CPNE1: variants seen among roughly 807,000 people sequenced by gnomAD.
CPNE1 encodes copine-1.
A neutral mutation model predicts 63.2 loss-of-function variants in CPNE1; 58 were observed. The observed-to-expected ratio is 0.92, with a 90% confidence interval of 0.74 to 1.14. The LOEUF (loss-of-function observed/expected upper bound fraction) is 1.14, where lower values mean the gene tolerates loss of function less well. Among genes scored for constraint, CPNE1 ranks in the 50% most tolerant of loss-of-function variants. CPNE1 has a pLI of 0.00. For synonymous variants in CPNE1, 237 were observed against 249.0 expected (o/e 0.95, Z 0.45); for missense variants, 672 against 661.7 (o/e 1.02, Z -0.17).
At chr20:35,628,848 TAAGA>T (rs1023904530) in intron 13 of CPNE1, among the ~76,000 whole-genome samples, 3 of 152,300 alleles carry the variant, frequency 2.0e-5, no homozygotes, top group African/African-American at 7.2e-5. Flanking sequence ...TGTGATAATG[TAAGA>T]AAGAGTCTTT....
At chr20:35,657,933 G>A (rs533274002) in intron 1 of CPNE1, among the ~76,000 whole-genome samples, 6 of 152,128 alleles carry the variant, frequency 3.9e-5, no homozygotes, top group South Asian at 4.2e-4. Flanking sequence ...ATGGTGGCAG[G>A]TGCCTGTAAT....
At chr20:35,639,476 A>G (rs1467971708) in intron 1 of CPNE1, among the ~76,000 whole-genome samples, 1 of 152,098 alleles carries the variant, frequency 6.6e-6, no homozygotes, top group Non-Finnish European at 1.5e-5. Context: ...AGCTGGGATT[A>G]CAGGCACCTG....
intron 1 of CPNE1, among the ~76,000 whole-genome samples, chr20:35,634,259 A>C (rs972636284): frequency 4.4e-5 from 5 of 113,998 alleles, no homozygotes; most frequent in African/African-American, 1.1e-4. Context: ...TGACTCTGTC[A>C]CAAAAAAAAA....
chr20:35,633,692 C>T (rs1038233305), intron 1 of CPNE1, among the ~76,000 whole-genome samples: 1 of 152,124 alleles, frequency 6.6e-6, no homozygotes, highest in Non-Finnish European at 1.5e-5. Context: ...GTGGCTCATG[C>T]CTGTAATCCT....
chr20:35,644,939 T>A (rs989637969), intron 1 of CPNE1, among the ~76,000 whole-genome samples: 9 of 152,166 alleles, frequency 5.9e-5, no homozygotes, highest in Non-Finnish European at 1.3e-4. Flanking sequence ...AAAAATGTGA[T>A]CTGTATCAAA....
At chr20:35,640,950 C>T (rs1035059806) in intron 1 of CPNE1, among the ~76,000 whole-genome samples, 2 of 152,134 alleles carry the variant, frequency 1.3e-5, no homozygotes, top group African/African-American at 2.4e-5. Flanking sequence ...TGGGACTAGT[C>T]GGGTGTTGCG....
chr20:35,633,959 CAAA>C (rs34006508), intron 1 of CPNE1, among the ~76,000 whole-genome samples: 6 of 40,414 alleles, frequency 1.5e-4, no homozygotes, highest in Non-Finnish European at 1.5e-4. Context: ...GATTCCGTCT[CAAA>C]AAAAAAAAAA....
At chr20:35,639,499 G>A (rs546307516) in intron 1 of CPNE1, among the ~76,000 whole-genome samples, 3 of 152,068 alleles carry the variant, frequency 2.0e-5, no homozygotes, top group Non-Finnish European at 4.4e-5. Context: ...ATCATGCCCG[G>A]CTAATTTTCA....
chr20:35,639,141 G>A (rs2032658053), intron 1 of CPNE1, among the ~76,000 whole-genome samples: 1 of 150,448 alleles, frequency 6.6e-6, no homozygotes, highest in Non-Finnish European at 1.5e-5. Flanking sequence ...TTGCACTAAA[G>A]TTAAGGCATG....
At chr20:35,645,002 T>C (rs2033025410) in intron 1 of CPNE1, among the ~76,000 whole-genome samples, 1 of 152,212 alleles carries the variant, frequency 6.6e-6, no homozygotes, top group Non-Finnish European at 1.5e-5. Flanking sequence ...CCCTCCCGGC[T>C]GAAATCTACA....
At chr20:35,638,291 T>A (rs1428032547) in intron 1 of CPNE1, among the ~76,000 whole-genome samples, 2 of 152,170 alleles carry the variant, frequency 1.3e-5, no homozygotes, top group Admixed American at 1.3e-4. Flanking sequence ...ACTTTGAAAT[T>A]TAAATGCAGG....
chr20:35,630,302 A>T, intron 13 of CPNE1, 137 bp downstream of exon 13: 1 of 725,248 alleles, frequency 1.4e-6, no homozygotes, highest in Non-Finnish European at 2.3e-6. Context: ...CTCAAAAAAT[A>T]AATTAAACTA....
Position 35,630,998 on chromosome 20 carries a change from A to C in CPNE1, c.898T>G (p.Ser300Ala), listed in dbSNP as rs750909596. 1.1e-5 allele frequency: 17 copies of C among 1,613,700 alleles called. No individual in the cohort carries two copies. In the South Asian group the frequency reaches 1.8e-4, roughly 17 times the overall value. ...VDFTGSNGDP[S>A]SPDSLHYLSP... ...AGGTAGTGTAGGGAGTCAGGTGAGG[A>C]GGGGTCTCCATTGGAGCCAGTGAAG... is the stretch of plus-strand genomic sequence containing the variant. The change falls in exon 11 of 16, where the codon TCC becomes GCC. Residue 300 changes from serine to alanine, a missense_variant. Ser to Ala is a moderately conservative substitution (Grantham distance 99). Coordinates refer to ENST00000397443, the MANE Select transcript of CPNE1 (RefSeq NM_152925.3).
chr20:35,627,328 G>C lies in CPNE1; in HGVS notation c.1188C>G (p.Asn396Lys). 1 of 1,614,136 alleles carries C rather than the reference G, an allele frequency of 6.2e-7. No individual in the cohort carries two copies. The highest frequency in any genetic ancestry group is 1.1e-5 in the South Asian group (1 of 91,072). The change falls in exon 14 of 16, where the codon AAC (asparagine) becomes AAG (lysine). Residue 396 changes from asparagine to lysine, a missense_variant. Physicochemically the swap from Asn to Lys is moderately conservative, Grantham distance 94. Transcript: ENST00000397443. ...CCTGGGCTGCAAACCTGGCCACATG[G>C]TTGATGATGGGTGCAAAGTTGGTAG... is the stretch of plus-strand genomic sequence containing the variant. ...YGPTNFAPII[N>K]HVARFAAQAA...
chr20:35,637,656 G>A (rs541065225), intron 1 of CPNE1, among the ~76,000 whole-genome samples: 41 of 152,120 alleles, frequency 2.7e-4, no homozygotes, highest in African/African-American at 9.2e-4. Flanking sequence ...GTGTTTCTGC[G>A]ACCATACACA....
At chr20:35,650,664 T>G (rs1034127654) in intron 1 of CPNE1, 1 of 152,636 alleles carries the variant, frequency 6.6e-6, no homozygotes, top group African/African-American at 2.4e-5. Context: ...AGTCACCTCT[T>G]GAGTCTAAAC....
intron 1 of CPNE1, chr20:35,654,959 T>G (rs751382843): frequency 3.7e-6 from 6 of 1,614,152 alleles, no homozygotes; most frequent in Non-Finnish European, 5.1e-6. Flanking sequence ...TTGGATACTG[T>G]TGTGGGCAAG....
chr20:35,653,931 A>G (rs143803163), intron 1 of CPNE1: 38 of 1,614,080 alleles, frequency 2.4e-5, no homozygotes, highest in Non-Finnish European at 3.1e-5. Flanking sequence ...CATTGGGTCC[A>G]TAAGCTATAT....
chr20:35,645,547 T>G (rs941318872), intron 1 of CPNE1, among the ~76,000 whole-genome samples: 15 of 152,336 alleles, frequency 9.8e-5, no homozygotes, highest in Admixed American at 5.9e-4. Context: ...GTATAAGTGC[T>G]GGGTGCACAC....
Sources: allele counts gnomAD v4.1 joint callset (sites outside exome capture counted in the v4.1 genomes callset), GRCh38; gene constraint gnomAD v4.1.1; transcripts MANE v1.5; gene names NCBI Gene and HGNC (gene_info 2026-07-23, HGNC 2026-07-21).